The following AOX1 variants were observed in gnomAD, a reference collection of about 807,000 sequenced individuals.
AOX1 encodes the protein aldehyde oxidase.
In AOX1, 153 loss-of-function variants were observed where a neutral mutation model predicts 169.5. The ratio of observed to expected loss-of-function variants is 0.90; its 90% CI spans 0.79 to 1.03. AOX1 has a LOEUF of 1.03. AOX1 is among the 50% of genes least tolerant of loss of function. The pLI, the probability that AOX1 is intolerant of heterozygous loss-of-function variation, is 0.00. For synonymous variants in AOX1, 562 were observed against 581.9 expected (o/e 0.97, Z 0.49); for missense variants, 1,656 against 1,663.9 (o/e 1.00, Z 0.08).
intron 25 of AOX1, among the ~76,000 whole-genome samples, chr2:200,647,274 G>A (rs1385054342): frequency 1.3e-5 from 2 of 152,130 alleles, no homozygotes; most frequent in African/African-American, 4.8e-5. Context: ...TCTTGTAGTG[G>A]TGGCTTGGTA....
At chr2:200,645,959 T>C (rs2035446164) in intron 25 of AOX1, among the ~76,000 whole-genome samples, 1 of 152,218 alleles carries the variant, frequency 6.6e-6, no homozygotes, top group Non-Finnish European at 1.5e-5. Context: ...TTTTTACTCT[T>C]CTTTTCTTAA....
At chr2:200,609,441 T>C in intron 12 of AOX1, 27 bp downstream of exon 12, 1 of 1,591,194 alleles carries the variant, frequency 6.3e-7, no homozygotes, top group Non-Finnish European at 8.6e-7. Flanking sequence ...ACTTGGAGAT[T>C]ATTAAGCTGT....
chr2:200,662,649 G>A (rs957639232), intron 30 of AOX1, among the ~76,000 whole-genome samples: 3 of 152,210 alleles, frequency 2.0e-5, no homozygotes, highest in African/African-American at 7.2e-5. Flanking sequence ...GTAGTTAGAT[G>A]TTTTTATCAG....
chr2:200,669,450 C>CAAA, intron 33 of AOX1, 125 bp from the exon 34 acceptor site: 15 of 881,832 alleles, frequency 1.7e-5, no homozygotes, highest in South Asian at 4.0e-5. Flanking sequence ...GACTCTGTCT[C>CAAA]AAAAAAAAAA....
intron 12 of AOX1, among the ~76,000 whole-genome samples, chr2:200,609,651 C>T (rs929482806): frequency 6.6e-6 from 1 of 152,140 alleles, no homozygotes; most frequent in Non-Finnish European, 1.5e-5. Flanking sequence ...GGTCACCCTA[C>T]ACTGGACATG....
downstream of AOX1, among the ~76,000 whole-genome samples, chr2:200,675,026 G>T (rs892042442): frequency 6.6e-6 from 1 of 152,212 alleles, no homozygotes; most frequent in Non-Finnish European, 1.5e-5. Context: ...GCCTGGGAGT[G>T]AGTGCATGAC....
At chr2:200,663,545 A>AACACACACACACACAC (rs530782102) in intron 31 of AOX1, among the ~76,000 whole-genome samples, 2 of 117,710 alleles carry the variant, frequency 1.7e-5, no homozygotes, top group African/African-American at 5.9e-5. Flanking sequence ...CATACACACA[A>AACACACACACACACAC]ACACACACAC....
chr2:200,665,175 T>G (rs117874037), intron 31 of AOX1, among the ~76,000 whole-genome samples: 2 of 152,200 alleles, frequency 1.3e-5, no homozygotes, highest in Admixed American at 1.3e-4. Context: ...AGAGAGCATG[T>G]GCAAGCGAGA....
rs766734140 is a variant in AOX1, at chr2:200,609,187, C to G, written c.1059+52C>G. On this transcript the variant is annotated intron_variant, in intron 11 of 34. Coordinates refer to ENST00000374700, the MANE Select transcript of AOX1 (RefSeq NM_001159.4). ...GGTATGCATCCCTTGGGTGACTCTC[C>G]CTGATGAATCATGACATTTTCATTC... 4 of 1,602,062 alleles carry G rather than the reference C, an allele frequency of 2.5e-6. No homozygotes were observed. The African/African-American group carries it at 4.0e-5, about 16-fold the overall frequency.
chr2:200,600,654 A>G (rs1183643272), intron 5 of AOX1, among the ~76,000 whole-genome samples: 1 of 152,196 alleles, frequency 6.6e-6, no homozygotes, highest in Non-Finnish European at 1.5e-5. Context: ...CTTACTCTGC[A>G]AAAATGTTCC....
chr2:200,627,920 C>T lies in AOX1; in HGVS notation c.2221+471C>T, dbSNP rs150380698. ...TTCTTCATCCTTTCTCTCTCTGATTCTCCCTCTCTTCCTTTCTTCCTTCTC... is the reference window on the plus strand; with the variant it reads ...TTCTTCATCCTTTCTCTCTCTGATTTTCCCTCTCTTCCTTTCTTCCTTCTC... On this transcript the variant is annotated intron_variant, in intron 20 of 34. Transcript: ENST00000374700. 1.9e-4 allele frequency among the ~76,000 whole-genome samples: 29 copies of T among 152,108 alleles called. No homozygotes were observed. The East Asian group carries it at 5.4e-3, about 28-fold the overall frequency.
intron 27 of AOX1, among the ~76,000 whole-genome samples, chr2:200,657,190 A>ATATTTTTTTTTTTT: frequency 2.2e-4 from 14 of 62,880 alleles, no homozygotes; most frequent in African/African-American, 1.1e-3. Flanking sequence ...ATATATATAT[A>ATATTTTTTTTTTTT]TTTTTTTTTT....
intron 13 of AOX1, among the ~76,000 whole-genome samples, chr2:200,611,901 C>A (rs1439315446): frequency 6.6e-6 from 1 of 152,016 alleles, no homozygotes; most frequent in East Asian, 1.9e-4. Context: ...GACGGGGTTT[C>A]GCCAAGTTGG....
chr2:200,591,493 A>G (rs949772347), intron 1 of AOX1, among the ~76,000 whole-genome samples: 6 of 152,358 alleles, frequency 3.9e-5, no homozygotes, highest in South Asian at 2.1e-4. Context: ...TGAAAGTCCA[A>G]CGCACCCCCT....
intron 18 of AOX1, 127 bp downstream of exon 18, chr2:200,621,373 A>G (rs534315274): frequency 2.1e-5 from 18 of 870,908 alleles, no homozygotes; most frequent in African/African-American, 1.9e-4. Flanking sequence ...TGCTTATTAT[A>G]AAAGTATATT....
At chr2:200,602,154 T>C (rs1017679604) in intron 5 of AOX1, 130 bp from the exon 6 acceptor site, 13 of 646,072 alleles carry the variant, frequency 2.0e-5, no homozygotes, top group Non-Finnish European at 3.2e-5. Context: ...TCTGACTTTG[T>C]AGATTAGGTG....
At chr2:200,588,530 T>C (rs2034086634) in intron 1 of AOX1, among the ~76,000 whole-genome samples, 1 of 152,184 alleles carries the variant, frequency 6.6e-6, no homozygotes, top group African/African-American at 2.4e-5. Flanking sequence ...GGACTCACTT[T>C]GTCTATGGGC....
downstream of AOX1, among the ~76,000 whole-genome samples, chr2:200,677,281 CTG>C (rs1227023913): frequency 6.6e-6 from 1 of 152,088 alleles, no homozygotes; most frequent in African/African-American, 2.4e-5. Context: ...GACAGAATCT[CTG>C]TAATGCATGT....
chr2:200,634,607 C>T (rs1433196988), intron 20 of AOX1, among the ~76,000 whole-genome samples, 184 bp from the exon 21 acceptor site: 2 of 152,174 alleles, frequency 1.3e-5, no homozygotes, highest in Non-Finnish European at 2.9e-5. Context: ...ACAAAAGATT[C>T]TCCTATAGAA....
Sources: allele counts gnomAD v4.1 joint callset (sites outside exome capture counted in the v4.1 genomes callset), GRCh38; gene constraint gnomAD v4.1.1; transcripts MANE v1.5; gene names NCBI Gene and HGNC (gene_info 2026-07-23, HGNC 2026-07-21).